SPTLC1: variants seen among roughly 807,000 people sequenced by gnomAD.
The protein encoded by SPTLC1 is serine palmitoyltransferase long chain base subunit 1, also known as serine palmitoyltransferase 1.
SPTLC1 carries 55 observed loss-of-function variants against 68.9 expected under a neutral mutation model. The ratio of observed to expected loss-of-function variants is 0.80; its 90% CI spans 0.64 to 1.00. SPTLC1 has a LOEUF of 1.00. Ranked by LOEUF, SPTLC1 falls within the 50% of genes least tolerant of loss-of-function variation. SPTLC1 has a pLI of 0.00. For missense variants in SPTLC1, 449 were observed against 573.1 expected, an observed-to-expected ratio of 0.78 and a Z score of 2.21; for synonymous variants, 197 against 201.6, an observed-to-expected ratio of 0.98 and a Z score of 0.19.
At chr9:92,035,612 A>C (rs1833115347) in intron 13 of SPTLC1, among the ~76,000 whole-genome samples, 1 of 152,242 alleles carries the variant, frequency 6.6e-6, no homozygotes, top group Non-Finnish European at 1.5e-5. Context: ...TATGATACTA[A>C]AAGCCACTTA....
intron 3 of SPTLC1, among the ~76,000 whole-genome samples, chr9:92,096,889 C>T (rs1021221995): frequency 1.3e-5 from 2 of 151,200 alleles, no homozygotes; most frequent in African/African-American, 4.9e-5. Flanking sequence ...AAAATAAAAT[C>T]CCACAGAATG....
intron 3 of SPTLC1, chr9:92,105,202 G>A: frequency 1.3e-6 from 2 of 1,534,136 alleles, no homozygotes; most frequent in East Asian, 2.4e-5. Flanking sequence ...CGCTGCAGCT[G>A]CAACCGACCC....
chr9:92,098,575 GA>G (rs769531869), intron 3 of SPTLC1, among the ~76,000 whole-genome samples: 1 of 150,854 alleles, frequency 6.6e-6, no homozygotes, highest in Non-Finnish European at 1.5e-5. Flanking sequence ...TGTGCATATT[GA>G]AAAAAAAGAA....
At chr9:92,102,837 T>C (rs1220985009) in intron 3 of SPTLC1, among the ~76,000 whole-genome samples, 1 of 152,236 alleles carries the variant, frequency 6.6e-6, no homozygotes, top group African/African-American at 2.4e-5. Flanking sequence ...TAGATAGTTT[T>C]GATTCTCCAA....
chr9:92,085,383 C>T (rs1030121997), intron 3 of SPTLC1, among the ~76,000 whole-genome samples: 1 of 151,202 alleles, frequency 6.6e-6, no homozygotes, highest in African/African-American at 2.4e-5. Context: ...GCATTTAGTG[C>T]TATAAATTTC....
chr9:92,083,164 T>C (rs1310116143), intron 3 of SPTLC1, among the ~76,000 whole-genome samples: 4 of 152,046 alleles, frequency 2.6e-5, no homozygotes, highest in East Asian at 1.9e-4. Context: ...GAGTAGGTTG[T>C]GAAAATTTTC....
At chr9:92,114,111 T>C (rs1836343593) in intron 1 of SPTLC1, among the ~76,000 whole-genome samples, 1 of 141,352 alleles carries the variant, frequency 7.1e-6, no homozygotes, top group African/African-American at 2.6e-5. Flanking sequence ...CCGTCTCTAT[T>C]AAAAAAAAAA....
intron 3 of SPTLC1, 153 bp downstream of exon 3, chr9:92,108,587 T>C (rs1253089697): frequency 1.9e-5 from 19 of 981,126 alleles, no homozygotes; most frequent in Non-Finnish European, 2.4e-5. Context: ...CTAGAATAAA[T>C]TTTTTAAAAT....
intron 3 of SPTLC1, chr9:92,104,533 C>A (rs1368668174): frequency 7.0e-7 from 1 of 1,430,212 alleles, no homozygotes; most frequent in Non-Finnish European, 9.5e-7. Context: ...CTGCTCGCAA[C>A]TCCAGGATGT....
intron 6 of SPTLC1, among the ~76,000 whole-genome samples, chr9:92,062,536 C>T (rs1377201571): frequency 2.6e-5 from 4 of 152,110 alleles, no homozygotes; most frequent in Non-Finnish European, 5.9e-5. Flanking sequence ...CAAACAGCAG[C>T]AGAATACACA....
In SPTLC1 at chr9:92,047,287, A is replaced by G; in HGVS notation, c.985-19T>C. 2 of 1,595,924 alleles carry G rather than the reference A, an allele frequency of 1.3e-6. No homozygotes were observed. Among genetic ancestry groups the G allele is most frequent in the Non-Finnish European group, 1.7e-6 (2 of 1,163,446 alleles). On this transcript the variant is annotated intron_variant, in intron 10 of 14. Coordinates refer to ENST00000262554, the MANE Select transcript of SPTLC1 (RefSeq NM_006415.4). Reference sequence around the variant, plus strand: ...AAAGTCGCTGAGAAGAAACAAATGAAGACATATACACATTCTCTGTCCTTT... The same window carrying G: ...AAAGTCGCTGAGAAGAAACAAATGAGGACATATACACATTCTCTGTCCTTT...
At chr9:92,076,221 A>T (rs895509894) in intron 5 of SPTLC1, among the ~76,000 whole-genome samples, 2 of 152,180 alleles carry the variant, frequency 1.3e-5, no homozygotes, top group Non-Finnish European at 2.9e-5. Context: ...CTACACAAGG[A>T]TCCTCTATTA....
chr9:92,104,952 C>T, intron 3 of SPTLC1: 3 of 1,534,372 alleles, frequency 2.0e-6, no homozygotes, highest in Admixed American at 2.0e-5. Context: ...GGCATCCTTC[C>T]CTTTGGGAAG....
At chr9:92,072,541 T>C (rs1177173103) in intron 5 of SPTLC1, among the ~76,000 whole-genome samples, 1 of 152,024 alleles carries the variant, frequency 6.6e-6, no homozygotes, top group Non-Finnish European at 1.5e-5. Flanking sequence ...TTCTTTCCCC[T>C]CAAACTTTCC....
At chr9:92,074,830 G>A (rs984896914) in intron 5 of SPTLC1, among the ~76,000 whole-genome samples, 1 of 151,652 alleles carries the variant, frequency 6.6e-6, no homozygotes, top group Non-Finnish European at 1.5e-5. Flanking sequence ...CCTCAATACC[G>A]CCTTCCACAA....
Position 92,112,527 on chromosome 9 carries a change from C to G in SPTLC1, c.93G>C (p.Leu31=). ...AAAGAAGTCTGATTATCCAGAGGAT[C>G]AGAATCCCTTCCAAAATAAGATGGT... ...PAYHLILEGI[L]ILWIIRLLFS... The change falls in exon 2 of 15, where the codon CTG becomes CTC. Residue 31 remains leucine, a synonymous_variant. Coordinates refer to ENST00000262554, the MANE Select transcript of SPTLC1 (RefSeq NM_006415.4). 6.2e-7 allele frequency: 1 copy of G among 1,609,488 alleles called. No individual in the cohort carries two copies. The highest frequency in any genetic ancestry group is 8.5e-7 in the Non-Finnish European group (1 of 1,179,500).
chr9:92,114,471 C>G (rs1467798969), intron 1 of SPTLC1, among the ~76,000 whole-genome samples: 2 of 152,100 alleles, frequency 1.3e-5, no homozygotes, highest in Admixed American at 6.5e-5. Context: ...TGCAGTGGCT[C>G]AAGCCTATAA....
At chr9:92,045,363 A>C (rs1246542248) in intron 12 of SPTLC1, among the ~76,000 whole-genome samples, 1 of 148,196 alleles carries the variant, frequency 6.7e-6, no homozygotes, top group African/African-American at 2.5e-5. Context: ...TTTTTTTTTT[A>C]ACTACAGAGG....
intron 3 of SPTLC1, among the ~76,000 whole-genome samples, chr9:92,086,762 T>C (rs1835153109): frequency 6.6e-6 from 1 of 152,232 alleles, no homozygotes; most frequent in South Asian, 2.1e-4. Context: ...TGGTGTTCTC[T>C]GTATTTCCTG....
Sources: gnomAD v4.1 joint callset for allele counts (sites outside exome capture counted in the v4.1 genomes callset) on GRCh38, gnomAD v4.1.1 for gene constraint, MANE v1.5 for transcripts, NCBI Gene and HGNC (gene_info 2026-07-23, HGNC 2026-07-21) for gene names.